The following GPHN variants were observed in gnomAD, a reference collection of about 807,000 sequenced individuals.
The protein encoded by GPHN is gephyrin.
A neutral mutation model predicts 95.5 loss-of-function variants in GPHN; 17 were observed. The observed-to-expected ratio is 0.18, with a 90% CI of 0.12 to 0.27. GPHN has a LOEUF of 0.27. GPHN is among the 10% of genes least tolerant of loss of function. The pLI is 1.00. For synonymous variants in GPHN, 320 were observed against 322.5 expected (o/e 0.99, Z 0.08); for missense variants, 660 against 978.1 (o/e 0.67, Z 4.34).
the GPHN span, chr14:67,574,136 G>A: frequency 2.0e-6 from 2 of 1,013,312 alleles, no homozygotes; most frequent in South Asian, 3.4e-5. This position sits in a 1 kb window ranked among gnomAD's most constrained non-coding sequence, Gnocchi z 4.2. Context: ...AGGGCAGGCA[G>A]AAGGCCAGCC....
At chr14:67,361,425 T>C in the GPHN span, among the ~76,000 whole-genome samples, 1 of 152,232 alleles carries the variant, frequency 6.6e-6, no homozygotes, top group Non-Finnish European at 1.5e-5. Flanking sequence ...GTGATAACTT[T>C]CTTTTTCAAC....
At chr14:67,125,802 A>C (rs2079277659) in intron 17 of GPHN, among the ~76,000 whole-genome samples, 1 of 151,838 alleles carries the variant, frequency 6.6e-6, no homozygotes, top group African/African-American at 2.4e-5. Flanking sequence ...GTCAGTAAGC[A>C]CAGAACCTTA....
chr14:67,723,120 T>C, the GPHN span, among the ~76,000 whole-genome samples: 1 of 152,220 alleles, frequency 6.6e-6, no homozygotes, highest in Non-Finnish European at 1.5e-5. Flanking sequence ...ACCAGGTAGT[T>C]TGGGAAAGAA....
the GPHN span, among the ~76,000 whole-genome samples, chr14:67,258,613 G>C: frequency 1.3e-5 from 2 of 152,138 alleles, no homozygotes; most frequent in Non-Finnish European, 2.9e-5. Context: ...GTAGAAATGA[G>C]GTTTCACTAT....
intron 1 of GPHN, among the ~76,000 whole-genome samples, chr14:66,550,490 A>G (rs543424750): frequency 4.6e-5 from 7 of 152,356 alleles, no homozygotes; most frequent in African/African-American, 1.4e-4. Context: ...TGATAATGCT[A>G]TAGACATTGT....
the GPHN span, among the ~76,000 whole-genome samples, chr14:67,215,655 T>G: frequency 6.6e-6 from 1 of 152,090 alleles, no homozygotes; most frequent in Admixed American, 6.6e-5. Context: ...AAAACATACC[T>G]TTCACTACAA....
chr14:67,055,957 G>T (rs532707825), intron 10 of GPHN, among the ~76,000 whole-genome samples: 1 of 152,138 alleles, frequency 6.6e-6, no homozygotes, highest in Middle Eastern at 3.2e-3. Context: ...CAGTGGGTTC[G>T]TGGTCTTGCT....
the GPHN span, chr14:67,447,378 A>G: frequency 2.6e-5 from 4 of 152,228 alleles, no homozygotes; most frequent in African/African-American, 9.6e-5. Flanking sequence ...GGGGAACACA[A>G]ACATTCACAC....
At position 66,898,213 on chromosome 14, in the gene GPHN, G is replaced by A. The variant is rs149028433; in HGVS notation, c.390-17790G>A. Among the ~76,000 whole-genome samples the A allele has an allele frequency of 2.0e-4, 31 of 151,790 alleles. No individual in the cohort carries two copies. The East Asian group carries it at 5.8e-3, about 28-fold the overall frequency. On this transcript the variant is annotated intron_variant, in intron 5 of 22. Transcript: ENST00000478722. ...AGCAAAACTACTTAATTTCCATGAG[G>A]TCCAATTTATCATCTTTTTCTTTTA...
At chr14:67,575,558 A>AC in the GPHN span, 1 of 820,380 alleles carries the variant, frequency 1.2e-6, no homozygotes, top group Non-Finnish European at 2.1e-6. Flanking sequence ...GAAAGTCCCT[A>AC]CCCCACGTAA....
chr14:66,977,846 T>C (rs2070365473), intron 9 of GPHN, among the ~76,000 whole-genome samples: 2 of 152,240 alleles, frequency 1.3e-5, no homozygotes, highest in Non-Finnish European at 2.9e-5. Context: ...ACGGATGTCC[T>C]TTGGCCTATT....
Position 66,906,961 on chromosome 14 carries a change from G to A in GPHN, c.390-9042G>A, listed in dbSNP as rs185358677. On this transcript the variant is annotated intron_variant, in intron 5 of 22. Coordinates refer to ENST00000478722, the MANE Select transcript of GPHN (RefSeq NM_020806.5). ...TGGAGTGTTCTACAAATATCAATTC[G>A]ATCCTGTTGATTTGTGTTGCTGAGT... Among the ~76,000 whole-genome samples, 79 of 152,124 alleles carry A rather than the reference G, an allele frequency of 5.2e-4. 1 individual carries two copies. The Middle Eastern group carries it at 0.02, about 39-fold the overall frequency.
chr14:67,573,451 G>C, the GPHN span: 1 of 1,062,616 alleles, frequency 9.4e-7, no homozygotes, highest in Non-Finnish European at 1.5e-6. The surrounding 1 kb of genome is among the most constrained non-coding windows in gnomAD (Gnocchi z 4.8). Flanking sequence ...GACTATGTCA[G>C]ATGGGACGGA....
chr14:67,080,647 G>T (rs1567302886), intron 11 of GPHN, among the ~76,000 whole-genome samples: 1 of 151,922 alleles, frequency 6.6e-6, no homozygotes, highest in Non-Finnish European at 1.5e-5. Flanking sequence ...GGAACAGGTG[G>T]TGTTTGTTTA....
intron 5 of GPHN, among the ~76,000 whole-genome samples, chr14:66,897,553 T>C (rs564668055): frequency 6.6e-6 from 1 of 152,214 alleles, no homozygotes; most frequent in South Asian, 2.1e-4. Context: ...TATTTTGCCA[T>C]TTCAAGAATG....
chr14:66,710,174 A>T (rs2069482268), intron 2 of GPHN, among the ~76,000 whole-genome samples: 1 of 152,206 alleles, frequency 6.6e-6, no homozygotes, highest in South Asian at 2.1e-4. Context: ...GTTCTTAGTT[A>T]TTCATATTTT....
At chr14:67,589,778 CATGCTT>C in the GPHN span, 1 of 1,073,014 alleles carries the variant, frequency 9.3e-7, no homozygotes, top group Middle Eastern at 4.2e-4. Flanking sequence ...TAAACCTGAA[CATGCTT>C]AGCAATTTCC....
At chr14:67,574,866 C>A in the GPHN span, among the ~76,000 whole-genome samples, 3 of 152,166 alleles carry the variant, frequency 2.0e-5, no homozygotes, top group Non-Finnish European at 2.9e-5. The surrounding 1 kb of genome is among the most constrained non-coding windows in gnomAD (Gnocchi z 4.2). Flanking sequence ...TGGAAGTTAA[C>A]AAGGAAGTAC....
intron 9 of GPHN, among the ~76,000 whole-genome samples, chr14:67,023,299 T>G (rs1436358548): frequency 6.6e-6 from 1 of 152,092 alleles, no homozygotes. Flanking sequence ...AATGCCTTAC[T>G]ATTAAGGGCC....
Sources: gnomAD v4.1 joint callset for allele counts (sites outside exome capture counted in the v4.1 genomes callset) on GRCh38, gnomAD v4.1.1 for gene constraint, Gnocchi (gnomAD v3.1) non-coding constraint, MANE v1.5 for transcripts, NCBI Gene and HGNC (gene_info 2026-07-23, HGNC 2026-07-21) for gene names.